The following TRIM5 variants were observed in gnomAD, a reference collection of about 807,000 sequenced individuals.
TRIM5 encodes the protein tripartite motif-containing protein 5.
TRIM5 carries 31 observed loss-of-function variants against 35.6 expected under a neutral mutation model. The observed-to-expected ratio is 0.87, with a 90% CI of 0.65 to 1.18. TRIM5 has a LOEUF of 1.18. Ranked by LOEUF, TRIM5 falls within the 50% of genes most tolerant of loss-of-function variation. TRIM5 has a pLI of 0.00. For synonymous variants in TRIM5, 243 were observed against 215.6 expected, an observed-to-expected ratio of 1.13 and a Z score of -1.11; for missense variants, 609 against 591.6, an observed-to-expected ratio of 1.03 and a Z score of -0.31.
the TRIM5 span, chr11:5,605,429 G>C: frequency 6.2e-7 from 1 of 1,614,184 alleles, no homozygotes; most frequent in Non-Finnish European, 8.5e-7. Flanking sequence ...AGCTGAAAAA[G>C]CTGGAACAGG....
At chr11:5,667,009 C>T (rs1851190356) in intron 5 of TRIM5, among the ~76,000 whole-genome samples, 1 of 151,998 alleles carries the variant, frequency 6.6e-6, no homozygotes, top group South Asian at 2.1e-4. Flanking sequence ...GAAGATATGG[C>T]CCATCCAAAA....
At chr11:5,647,735 C>A in the TRIM5 span, among the ~76,000 whole-genome samples, 5 of 152,238 alleles carry the variant, frequency 3.3e-5, no homozygotes, top group South Asian at 1.0e-3. Context: ...GTTGGCCAGG[C>A]TGGTTTTGAA....
At chr11:5,649,111 T>G in the TRIM5 span, among the ~76,000 whole-genome samples, 1 of 152,220 alleles carries the variant, frequency 6.6e-6, no homozygotes, top group Non-Finnish European at 1.5e-5. Context: ...CTATTTTTAC[T>G]CAGTTTTCAC....
intron 3 of TRIM5, 111 bp from the exon 4 acceptor site, chr11:5,678,545 C>T: frequency 1.2e-6 from 1 of 810,576 alleles, no homozygotes; most frequent in South Asian, 2.1e-5. Flanking sequence ...GACATAGTAG[C>T]AGGAGAGTAG....
the TRIM5 span, among the ~76,000 whole-genome samples, chr11:5,651,306 G>A: frequency 1.3e-5 from 2 of 152,176 alleles, no homozygotes; most frequent in Admixed American, 6.5e-5. Flanking sequence ...TAAGTAAACT[G>A]TGTGCTTTGG....
chr11:5,650,927 G>A, the TRIM5 span, among the ~76,000 whole-genome samples: 1 of 152,200 alleles, frequency 6.6e-6, no homozygotes, highest in Non-Finnish European at 1.5e-5. Flanking sequence ...GACATTTCAA[G>A]CACCATTGTA....
chr11:5,653,587 G>T, the TRIM5 span, among the ~76,000 whole-genome samples: 1 of 151,404 alleles, frequency 6.6e-6, no homozygotes, highest in Non-Finnish European at 1.5e-5. Flanking sequence ...TGCCTCCCGG[G>T]TTCAAGCGAT....
intron 4 of TRIM5, among the ~76,000 whole-genome samples, chr11:5,668,237 T>G (rs962543168): frequency 1.3e-5 from 2 of 152,144 alleles, no homozygotes; most frequent in African/African-American, 4.8e-5. Flanking sequence ...ATCACACTAC[T>G]GCACTCCAGT....
the TRIM5 span, chr11:5,632,519 A>T: frequency 6.2e-7 from 1 of 1,613,792 alleles, no homozygotes; most frequent in African/African-American, 1.3e-5. Context: ...GGTATCAGTT[A>T]CTCATTTGAA....
the TRIM5 span, among the ~76,000 whole-genome samples, chr11:5,647,615 C>T: frequency 1.2e-3 from 188 of 152,226 alleles, no homozygotes; most frequent in African/African-American, 4.4e-3. Flanking sequence ...CTCCACCTCC[C>T]GGGTTCAAGC....
At chr11:5,669,583 C>T (rs1015548939) in intron 4 of TRIM5, among the ~76,000 whole-genome samples, 4 of 152,146 alleles carry the variant, frequency 2.6e-5, no homozygotes, top group South Asian at 2.1e-4. Context: ...TGTATTAGTA[C>T]TTTTATGTTG....
chr11:5,592,476 T>C, the TRIM5 span, among the ~76,000 whole-genome samples: 1 of 152,342 alleles, frequency 6.6e-6, no homozygotes, highest in East Asian at 1.9e-4. Context: ...GATCTGAATC[T>C]TGGCAAAACT....
the TRIM5 span, chr11:5,634,618 T>G: frequency 3.7e-6 from 6 of 1,606,338 alleles, no homozygotes; most frequent in African/African-American, 8.1e-5. Flanking sequence ...CTCTCTCTTG[T>G]CCATCCTTGC....
At chr11:5,608,605 T>C in the TRIM5 span, among the ~76,000 whole-genome samples, 6 of 151,820 alleles carry the variant, frequency 4.0e-5, no homozygotes, top group Non-Finnish European at 8.8e-5. Flanking sequence ...GGTCAGTAGG[T>C]GGGGACAGTA....
At chr11:5,655,637 CGTCA>C in the TRIM5 span, 4 of 985,218 alleles carry the variant, frequency 4.1e-6, no homozygotes, top group African/African-American at 7.0e-5. Context: ...TGCTCCTCAG[CGTCA>C]GTAAGGAACC....
At chr11:5,659,054 T>C (rs1209445562), downstream of TRIM5, among the ~76,000 whole-genome samples, 2 of 151,940 alleles carry the variant, frequency 1.3e-5, no homozygotes, top group Non-Finnish European at 2.9e-5. Context: ...CTAATGTAAA[T>C]GACGAGTTAA....
At chr11:5,603,648 G>A in the TRIM5 span, 307 of 1,613,544 alleles carry the variant, frequency 1.9e-4, no homozygotes, top group Non-Finnish European at 2.1e-4. Flanking sequence ...AGGAGGATGG[G>A]AAGGTCATTT....
At chr11:5,601,404 A>C in the TRIM5 span, among the ~76,000 whole-genome samples, 1 of 152,232 alleles carries the variant, frequency 6.6e-6, no homozygotes, top group African/African-American at 2.4e-5. Flanking sequence ...AGGGATAAAG[A>C]AAGCAAGAGA....
the TRIM5 span, chr11:5,641,288 G>T: frequency 7.6e-6 from 12 of 1,587,160 alleles, no homozygotes; most frequent in Admixed American, 1.8e-5. Flanking sequence ...AAATCTCCCA[G>T]AGTAGTAAAA....
Sources: allele counts gnomAD v4.1 joint callset (sites outside exome capture counted in the v4.1 genomes callset), GRCh38; gene constraint gnomAD v4.1.1; transcripts MANE v1.5; gene names NCBI Gene and HGNC (gene_info 2026-07-23, HGNC 2026-07-21).